Variants in PLB1 observed in about 807,000 individuals in gnomAD.
PLB1 encodes the protein phospholipase B1, membrane-associated.
Under a neutral mutation model 227.4 loss-of-function variants are expected in PLB1, and 242 were observed. The observed-to-expected ratio is 1.06, with a 90% confidence interval of 0.96 to 1.18. The LOEUF (loss-of-function observed/expected upper bound fraction) is 1.18. PLB1 is among the 50% of genes most tolerant of loss of function. The pLI is 0.00. For missense variants in PLB1, 1,858 were observed against 1,816.3 expected, an observed-to-expected ratio of 1.02 and a Z score of -0.42; for synonymous variants, 757 against 682.2, an observed-to-expected ratio of 1.11 and a Z score of -1.71.
chr2:28,622,384 A>C (rs544013745), intron 49 of PLB1, among the ~76,000 whole-genome samples: 4 of 152,256 alleles, frequency 2.6e-5, no homozygotes, highest in Admixed American at 1.3e-4. Context: ...CAGGGTTGTC[A>C]TAAGGATTAA....
intron 8 of PLB1, among the ~76,000 whole-genome samples, chr2:28,531,320 TG>T: frequency 6.6e-6 from 1 of 152,338 alleles, no homozygotes; most frequent in African/African-American, 2.4e-5. Flanking sequence ...TGTTTTGTTT[TG>T]TTTTTTTGAG....
At chr2:28,579,535 G>A (rs947378578) in intron 22 of PLB1, 92 bp from the exon 23 acceptor site, 4 of 958,352 alleles carry the variant, frequency 4.2e-6, no homozygotes, top group African/African-American at 3.2e-5. Flanking sequence ...TGGTGTGTGA[G>A]GACCCATCTT....
At chr2:28,545,328 G>GGAAC (rs2148214278) in intron 14 of PLB1, among the ~76,000 whole-genome samples, 1 of 152,304 alleles carries the variant, frequency 6.6e-6, no homozygotes, top group African/African-American at 2.4e-5. Flanking sequence ...GGATAGGAGG[G>GGAAC]GGTTCCCCAA....
intron 12 of PLB1, among the ~76,000 whole-genome samples, chr2:28,540,716 C>T (rs745979467): frequency 2.6e-5 from 4 of 152,118 alleles, no homozygotes; most frequent in Non-Finnish European, 5.9e-5. Flanking sequence ...TGAGGAACTT[C>T]GAAGATTCAT....
intron 56 of PLB1, among the ~76,000 whole-genome samples, chr2:28,639,346 AAT>A (rs1689730184): frequency 6.6e-6 from 1 of 151,932 alleles, no homozygotes; most frequent in African/African-American, 2.4e-5. Context: ...AAAAAAAAAA[AAT>A]GATCTTTGGC....
At position 28,538,357 on chromosome 2, in the gene PLB1, G is replaced by C. The variant is rs1390081479; in HGVS notation, c.594G>C (p.Gly198=). Residue 198 remains glycine (G), a synonymous_variant, in exon 10 of 58, where the codon GGG becomes GGC. Coordinates refer to ENST00000327757, the MANE Select transcript of PLB1 (RefSeq NM_153021.5). ...LAAGGVDELM[G]VLDYLQQEVP... is the part of the protein sequence containing the mutation. ...CGGGCGGCGTGGATGAGCTGATGGG[G>C]GTGCTGGACTACCTGCAGCAGGAGG... 6.2e-7 allele frequency: 1 copy of C among 1,613,000 alleles called. No homozygotes were observed.
rs140209423 is a variant in PLB1, at chr2:28,501,943, T to A, written c.55+5774T>A. Among the ~76,000 whole-genome samples the A allele has an allele frequency of 2.5e-3, 376 of 152,304 alleles. 3 individuals are homozygous for A. Among genetic ancestry groups the A allele is most frequent in the African/African-American group, 8.5e-3 (354 of 41,570 alleles). ...GAACAGTCACATGCATGTATCTTTT[T>A]CAAGTTCAGCTTATGCTAGGCTATA... On this transcript the variant is annotated intron_variant, in intron 1 of 57. Transcript: ENST00000327757.
At chr2:28,596,482 A>G (rs767283075) in intron 33 of PLB1, among the ~76,000 whole-genome samples, 11 of 152,244 alleles carry the variant, frequency 7.2e-5, no homozygotes, top group Non-Finnish European at 1.3e-4. Flanking sequence ...TACAGTAGGA[A>G]GTACTTGATG....
At chr2:28,615,160 C>T (rs1686014223) in intron 44 of PLB1, among the ~76,000 whole-genome samples, 1 of 152,050 alleles carries the variant, frequency 6.6e-6, no homozygotes, top group African/African-American at 2.4e-5. Flanking sequence ...CCATGGACCA[C>T]ACAGGCTCAG....
chr2:28,584,474 C>T (rs375911470), intron 25 of PLB1, among the ~76,000 whole-genome samples: 73 of 152,322 alleles, frequency 4.8e-4, no homozygotes, highest in Non-Finnish European at 9.1e-4. Flanking sequence ...CACAGGGGAT[C>T]GGTGTCTTCA....
At chr2:28,627,464 T>C (rs1212334499) in intron 51 of PLB1, among the ~76,000 whole-genome samples, 2 of 152,176 alleles carry the variant, frequency 1.3e-5, no homozygotes, top group Non-Finnish European at 2.9e-5. Flanking sequence ...AGAGCGTAGT[T>C]TAGTTGAAAG....
At position 28,597,289 on chromosome 2, in the gene PLB1, TGA is replaced by T. The variant is rs1345534865; in HGVS notation, c.2322-715_2322-714del. ...GAAAAAAAAAAAAAAAAAAATCCATTGACCTGGAATATAACATGCTGGGATTC... is the reference window on the plus strand; with the variant it reads ...GAAAAAAAAAAAAAAAAAAATCCATTCCTGGAATATAACATGCTGGGATTC... On this transcript the variant is annotated intron_variant, in intron 33 of 57. Transcript: ENST00000327757. Among the ~76,000 whole-genome samples the T allele has an allele frequency of 2.0e-4, 30 of 149,224 alleles. No homozygotes were observed. In the East Asian group the frequency reaches 5.8e-3, roughly 29 times the overall value.
intron 1 of PLB1, among the ~76,000 whole-genome samples, chr2:28,512,428 A>G (rs1029713087): frequency 1.3e-5 from 2 of 152,162 alleles, no homozygotes; most frequent in African/African-American, 4.8e-5. Flanking sequence ...GAAATCCAAC[A>G]TCTGTGTCAA....
chr2:28,628,770 C>T, intron 52 of PLB1, 142 bp downstream of exon 52: 1 of 832,696 alleles, frequency 1.2e-6, no homozygotes, highest in Non-Finnish European at 2.0e-6. Context: ...AGGTGGCTGT[C>T]AAGCTCCTCT....
intron 49 of PLB1, 139 bp from the exon 50 acceptor site, chr2:28,624,918 G>A: frequency 1.2e-6 from 1 of 806,234 alleles, no homozygotes; most frequent in Non-Finnish European, 2.0e-6. Context: ...ACTAAGCTGA[G>A]ATTTCTTGAG....
At chr2:28,538,773 C>T (rs189376410) in intron 10 of PLB1, among the ~76,000 whole-genome samples, 147 of 152,274 alleles carry the variant, frequency 9.7e-4, no homozygotes, top group Non-Finnish European at 1.8e-3. Context: ...CCCTGCCTTC[C>T]GCTTTGCTCC....
At chr2:28,611,214 T>C (rs936838601) in intron 43 of PLB1, among the ~76,000 whole-genome samples, 6 of 152,196 alleles carry the variant, frequency 3.9e-5, no homozygotes, top group African/African-American at 1.2e-4. Flanking sequence ...CACATTCTAG[T>C]GTCTCCTTGA....
At chr2:28,517,064 T>A (rs1382116732) in intron 2 of PLB1, among the ~76,000 whole-genome samples, 195 bp downstream of exon 2, 1 of 152,144 alleles carries the variant, frequency 6.6e-6, no homozygotes, top group Non-Finnish European at 1.5e-5. Context: ...AATTTGGAGC[T>A]CATCATCCCT....
rs977935019 is a variant in PLB1, at chr2:28,626,364, C to T, written c.3580-64C>T. The T allele has an allele frequency of 2.8e-6, 4 of 1,418,554 alleles. No homozygotes were observed. The Admixed American group carries it at 5.0e-5, about 18-fold the overall frequency. 87.9% of individuals were successfully genotyped at this position (1,418,554 alleles called of 1,614,324 possible). ...GCACTTGGAGGGCGGGCGGGCTGGC[C>T]CAGTAGCAACATTTGTATGTGCCTC... On this transcript the variant is annotated intron_variant, in intron 50 of 57. Transcript: ENST00000327757.
Sources: gnomAD v4.1 joint callset for allele counts (sites outside exome capture counted in the v4.1 genomes callset) on GRCh38, gnomAD v4.1.1 for gene constraint, MANE v1.5 for transcripts, NCBI Gene and HGNC (gene_info 2026-07-23, HGNC 2026-07-21) for gene names.